Variants in MITF observed in about 807,000 individuals in gnomAD.
The protein encoded by MITF is microphthalmia-associated transcription factor.
A neutral mutation model predicts 60.5 loss-of-function variants in MITF; 17 were observed. The observed-to-expected ratio is 0.28, with a 90% confidence interval of 0.19 to 0.42. The LOEUF (loss-of-function observed/expected upper bound fraction) is 0.42. Among genes scored for constraint, MITF ranks in the 10% least tolerant of loss-of-function variants. The probability of loss-of-function intolerance (pLI) is 1.00; values close to 1 mark genes in which losing one functional copy is unlikely to be tolerated. For missense variants in MITF, 622 were observed against 683.5 expected, an observed-to-expected ratio of 0.91 and a Z score of 1.00; for synonymous variants, 260 against 248.5, an observed-to-expected ratio of 1.05 and a Z score of -0.43.
chr3:69,953,930 A>G (rs370171638), intron 7 of MITF, among the ~76,000 whole-genome samples: 2 of 152,254 alleles, frequency 1.3e-5, no homozygotes, highest in African/African-American at 4.8e-5. Context: ...CTGTGTTTAT[A>G]TGAATGTATA....
Position 69,923,204 on chromosome 3 carries a change from T to G in MITF, c.355-14618T>G, listed in dbSNP as rs528737723. Among the ~76,000 whole-genome samples the G allele has an allele frequency of 2.0e-5, 3 of 152,322 alleles. No individual in the cohort carries two copies. The East Asian group carries it at 5.8e-4, about 29-fold the overall frequency. On this transcript the variant is annotated intron_variant, in intron 2 of 9. Transcript: ENST00000352241. ...GTTTGGTAGTGTTTCATAAAGTGAT[T>G]AGGAGTAAGCCTCAATTTCCTCATG...
intron 1 of MITF, among the ~76,000 whole-genome samples, chr3:69,874,743 A>C (rs966709964): frequency 6.6e-6 from 1 of 152,248 alleles, no homozygotes; most frequent in African/African-American, 2.4e-5. Flanking sequence ...AGATAGTAAA[A>C]GAACACTGGC....
At chr3:69,817,785 A>G (rs1157560530) in intron 1 of MITF, among the ~76,000 whole-genome samples, 1 of 152,166 alleles carries the variant, frequency 6.6e-6, no homozygotes, top group East Asian at 1.9e-4. Flanking sequence ...AAATGTAATA[A>G]CAATAATGTA....
At chr3:69,878,152 G>A (rs1475581080) in intron 1 of MITF, among the ~76,000 whole-genome samples, 4 of 152,052 alleles carry the variant, frequency 2.6e-5, no homozygotes, top group Admixed American at 6.6e-5. Flanking sequence ...TATACATGAT[G>A]CTATAGAAAT....
At chr3:69,817,101 T>C (rs1307528016) in intron 1 of MITF, among the ~76,000 whole-genome samples, 2 of 152,180 alleles carry the variant, frequency 1.3e-5, no homozygotes, top group African/African-American at 4.8e-5. Flanking sequence ...AGTTTAGGGA[T>C]ACAAAGCTCC....
chr3:69,930,213 A>G (rs1158326777), intron 2 of MITF, among the ~76,000 whole-genome samples: 3 of 152,100 alleles, frequency 2.0e-5, no homozygotes, highest in Non-Finnish European at 4.4e-5. Context: ...GGGTGCTTAA[A>G]TCCATGTGAC....
chr3:69,875,238 G>A (rs1487048427), intron 1 of MITF, among the ~76,000 whole-genome samples: 1 of 152,160 alleles, frequency 6.6e-6, no homozygotes, highest in East Asian at 1.9e-4. Context: ...TTGTGTGCCT[G>A]GCTTCAGTGA....
At chr3:69,944,124 A>C (rs2066036098) in intron 5 of MITF, among the ~76,000 whole-genome samples, 1 of 152,064 alleles carries the variant, frequency 6.6e-6, no homozygotes, top group African/African-American at 2.4e-5. Context: ...AAAAAAGTAG[A>C]ATGAATCCTC....
At chr3:69,824,505 G>C (rs74726353) in intron 1 of MITF, among the ~76,000 whole-genome samples, 2,298 of 152,302 alleles carry the variant, frequency 0.015, 26 homozygotes, top group Middle Eastern at 0.051. Flanking sequence ...ATGATGTTAA[G>C]GTTTGGCAGG....
chr3:69,856,252 A>G (rs2063916690), intron 1 of MITF, among the ~76,000 whole-genome samples: 1 of 152,184 alleles, frequency 6.6e-6, no homozygotes, highest in East Asian at 1.9e-4. Context: ...TAACTTCATT[A>G]CTTTTGCTTG....
At chr3:69,905,613 G>A (rs142210118) in intron 2 of MITF, among the ~76,000 whole-genome samples, 164 of 152,164 alleles carry the variant, frequency 1.1e-3, no homozygotes, top group Middle Eastern at 3.4e-3. Context: ...ATGTATGAGA[G>A]TTCTATTTCC....
intron 1 of MITF, among the ~76,000 whole-genome samples, chr3:69,797,906 C>T (rs906056084): frequency 6.6e-6 from 1 of 152,192 alleles, no homozygotes; most frequent in African/African-American, 2.4e-5. Flanking sequence ...GCAGAAGCAA[C>T]GTACATTTTA....
chr3:69,898,976 G>T (rs886122597), intron 2 of MITF, among the ~76,000 whole-genome samples: 3 of 152,124 alleles, frequency 2.0e-5, no homozygotes, highest in African/African-American at 7.2e-5. Flanking sequence ...TAGAGAGGTG[G>T]GTACTTAGTC....
At chr3:69,846,497 A>G (rs765701932) in intron 1 of MITF, among the ~76,000 whole-genome samples, 5 of 152,180 alleles carry the variant, frequency 3.3e-5, no homozygotes, top group Non-Finnish European at 7.3e-5. Context: ...TAACAGATAG[A>G]CACAACAATG....
chr3:69,829,696 A>ACACACC (rs1005441904), intron 1 of MITF, among the ~76,000 whole-genome samples: 1 of 149,914 alleles, frequency 6.7e-6, no homozygotes, highest in African/African-American at 2.5e-5. Flanking sequence ...ACACACACAC[A>ACACACC]CCAACTGTCA....
At position 69,966,068 on chromosome 3, in the gene MITF, T is replaced by A. The variant is rs1323422400; in HGVS notation, c.*820T>A. 3 of 232,638 alleles carry A rather than the reference T, an allele frequency of 1.3e-5. No homozygotes were observed. Among genetic ancestry groups the A allele is most frequent in the African/African-American group, 6.6e-5 (3 of 45,326 alleles). 14.4% of individuals were successfully genotyped at this position (232,638 alleles called of 1,614,324 possible). ...AGCACTGAAAGTATGTTTTACTTTT[T>A]TTTTATTTTATTTTTGCTTTTGATA... On this transcript the variant is annotated 3_prime_UTR_variant, in exon 10 of 10. Coordinates refer to ENST00000352241, the MANE Select transcript of MITF (RefSeq NM_001354604.2).
intron 2 of MITF, among the ~76,000 whole-genome samples, chr3:69,930,217 A>G (rs1382096208): frequency 6.6e-6 from 1 of 152,064 alleles, no homozygotes; most frequent in African/African-American, 2.4e-5. Context: ...GCTTAAATCC[A>G]TGTGACTGGG....
chr3:69,944,173 G>T (rs2066037521), intron 5 of MITF, among the ~76,000 whole-genome samples: 1 of 152,064 alleles, frequency 6.6e-6, no homozygotes, highest in Non-Finnish European at 1.5e-5. Flanking sequence ...TTGAGGCCTT[G>T]TTCCTTCATT....
In MITF at chr3:69,964,932, T is replaced by C. The variant is rs2066646408; in HGVS notation, c.1265T>C (p.Ile422Thr). 6.2e-7 allele frequency: 1 copy of C among 1,614,158 alleles called. No individual in the cohort carries two copies. Among genetic ancestry groups the C allele is most frequent in the Non-Finnish European group, 8.5e-7 (1 of 1,180,016 alleles). The stretch of plus-strand genomic sequence containing the variant: ...TCTCCAGATTTGGTGAATCGGATCA[T>C]CAAGCAAGAACCCGTTCTTGAGAAC... Reference protein sequence around the residue: ...LCSPDLVNRIIKQEPVLENCS... With the variant: ...LCSPDLVNRITKQEPVLENCS... The change falls in exon 10 of 10, where the codon ATC (isoleucine) becomes ACC (threonine). Residue 422 changes from isoleucine (I) to threonine (T), a missense_variant. By Grantham distance (89) the Ile-to-Thr change is moderately conservative (BLOSUM62 -1). Around this residue, in one of 5 missense-constraint regions of MITF, gnomAD observed 224 missense variants for 209.5 expected, o/e 1.07. Transcript: ENST00000352241.
Sources: gnomAD v4.1 joint callset for allele counts (sites outside exome capture counted in the v4.1 genomes callset) on GRCh38, gnomAD v4.1.1 for gene constraint, gnomAD v4.1.1 regional missense constraint, MANE v1.5 for transcripts, NCBI Gene and HGNC (gene_info 2026-07-23, HGNC 2026-07-21) for gene names.